The following CDH4 variants were observed in gnomAD, a reference collection of about 807,000 sequenced individuals.
CDH4 encodes cadherin-4.
CDH4 carries 33 observed loss-of-function variants against 86.0 expected under a neutral mutation model. The observed-to-expected ratio is 0.38, with a 90% CI of 0.29 to 0.51. The LOEUF (loss-of-function observed/expected upper bound fraction) is 0.51. Ranked by LOEUF, CDH4 falls within the 20% of genes least tolerant of loss-of-function variation. The probability of loss-of-function intolerance (pLI) is 0.86; values close to 1 mark genes in which losing one functional copy is unlikely to be tolerated. For missense variants in CDH4, 1,114 were observed against 1,307.4 expected, an observed-to-expected ratio of 0.85 and a Z score of 2.28; for synonymous variants, 555 against 549.4, an observed-to-expected ratio of 1.01 and a Z score of -0.14.
intron 2 of CDH4, among the ~76,000 whole-genome samples, chr20:61,272,032 C>T (rs4812290): frequency 0.16 from 24,169 of 152,110 alleles, 1,974 homozygotes; most frequent in African/African-American, 0.17. Flanking sequence ...TTGGTGGCTT[C>T]CTTCTTTCAC....
At position 61,518,099 on chromosome 20, in the gene CDH4, G is replaced by A. The variant is rs1488685578; in HGVS notation, c.170-225464G>A. On this transcript the variant is annotated intron_variant, in intron 2 of 15. Transcript: ENST00000614565. The surrounding 1 kb of genome is among the most constrained non-coding windows in gnomAD (Gnocchi z 6.3). Reference sequence around the variant, plus strand: ...AGGCCCTCAGTTTTCTAAAGAATTTGCAAGAAATCATGACGCTACTGCAAG... The same window carrying A: ...AGGCCCTCAGTTTTCTAAAGAATTTACAAGAAATCATGACGCTACTGCAAG... Among the ~76,000 whole-genome samples the A allele has an allele frequency of 1.3e-5, 2 of 152,134 alleles. No individual in the cohort carries two copies. The highest frequency in any genetic ancestry group is 2.1e-4 in the South Asian group (1 of 4,826).
chr20:61,777,008 G>C (rs2088850019), intron 4 of CDH4, among the ~76,000 whole-genome samples: 1 of 152,200 alleles, frequency 6.6e-6, no homozygotes, highest in Admixed American at 6.5e-5. Context: ...GTCCCAAGGA[G>C]TCCCTAGTCA....
chr20:61,898,446 G>A (rs972331917), intron 8 of CDH4, among the ~76,000 whole-genome samples: 2 of 152,236 alleles, frequency 1.3e-5, no homozygotes, highest in Non-Finnish European at 2.9e-5. Flanking sequence ...GAAGCTGGTG[G>A]CCACAGAGGA....
intron 2 of CDH4, among the ~76,000 whole-genome samples, chr20:61,306,783 C>G (rs940129542): frequency 6.6e-6 from 1 of 152,172 alleles, no homozygotes; most frequent in Admixed American, 6.5e-5. Context: ...TCTCCCTGGT[C>G]CTCACACCCT....
intron 2 of CDH4, among the ~76,000 whole-genome samples, chr20:61,325,990 C>T (rs1432104528): frequency 1.3e-5 from 2 of 152,212 alleles, no homozygotes; most frequent in Non-Finnish European, 2.9e-5. Context: ...GGTTCAAACC[C>T]ATCAGGAAGT....
chr20:61,414,643 G>A (rs1264642414), intron 2 of CDH4, among the ~76,000 whole-genome samples: 1 of 152,188 alleles, frequency 6.6e-6, no homozygotes, highest in African/African-American at 2.4e-5. Context: ...GTGGTGGAGG[G>A]GGGCATTGCT....
rs927032845 is a variant in CDH4 at position 61,510,300 on chromosome 20, A to G, written c.170-233263A>G. Among the ~76,000 whole-genome samples the G allele has an allele frequency of 6.6e-6, 1 of 152,154 alleles. No homozygotes were observed. The highest frequency in any genetic ancestry group is 2.4e-5 in the African/African-American group (1 of 41,442). On this transcript the variant is annotated intron_variant, in intron 2 of 15. Transcript: ENST00000614565. This position sits in a 1 kb window ranked among gnomAD's most constrained non-coding sequence, Gnocchi z 4.2. ...TGTTTTGGGGGGGCCAGGAACGTGCATTCAGGGGAGTTTCTATTTGCCCAG... is the reference window on the plus strand; with the variant it reads ...TGTTTTGGGGGGGCCAGGAACGTGCGTTCAGGGGAGTTTCTATTTGCCCAG...
intron 2 of CDH4, among the ~76,000 whole-genome samples, chr20:61,328,316 C>A (rs1437168533): frequency 6.6e-6 from 1 of 152,010 alleles, no homozygotes; most frequent in Non-Finnish European, 1.5e-5. Flanking sequence ...GCTAGGACTG[C>A]AGGTGCATGC....
intron 4 of CDH4, among the ~76,000 whole-genome samples, chr20:61,817,759 GGGA>G (rs1363590093): frequency 6.6e-6 from 1 of 152,234 alleles, no homozygotes; most frequent in Non-Finnish European, 1.5e-5. Flanking sequence ...CCCACCAGCA[GGGA>G]GGAGGCCAGG....
chr20:61,899,016 G>A (rs984776697), intron 8 of CDH4, among the ~76,000 whole-genome samples: 9 of 152,152 alleles, frequency 5.9e-5, no homozygotes, highest in Non-Finnish European at 1.3e-4. Context: ...AAGAGGGAGG[G>A]CCGGGCGCAG....
chr20:61,881,821 C>T (rs1272522345), intron 7 of CDH4, among the ~76,000 whole-genome samples: 1 of 152,382 alleles, frequency 6.6e-6, no homozygotes, highest in South Asian at 2.1e-4. Flanking sequence ...GCTACATCCA[C>T]ACCCTGATCC....
At chr20:61,620,198 A>ATGGATGGATGGACGGATGGGTGGGTGGG (rs1568716806) in intron 2 of CDH4, among the ~76,000 whole-genome samples, 3 of 143,508 alleles carry the variant, frequency 2.1e-5, no homozygotes, top group Non-Finnish European at 4.6e-5. Flanking sequence ...GGATGGATGG[A>ATGGATGGATGGACGGATGGGTGGGTGGG]TGGATGGACA....
intron 4 of CDH4, among the ~76,000 whole-genome samples, chr20:61,843,913 A>T (rs1423548276): frequency 6.6e-6 from 1 of 152,158 alleles, no homozygotes; most frequent in Non-Finnish European, 1.5e-5. Context: ...TCCCTGAGGG[A>T]ACCCCCAGGC....
chr20:61,719,736 C>T (rs1174317742), intron 2 of CDH4: 1 of 152,966 alleles, frequency 6.5e-6, no homozygotes, highest in Admixed American at 6.5e-5. Context: ...GTGTTAATAT[C>T]ATACGACAAG....
chr20:61,759,987 C>G (rs2088613202), intron 3 of CDH4, among the ~76,000 whole-genome samples: 1 of 152,234 alleles, frequency 6.6e-6, no homozygotes, highest in Admixed American at 6.5e-5. Flanking sequence ...AGCTCGGTAG[C>G]TTGTCCGGAT....
chr20:61,806,183 G>C (rs922253286), intron 4 of CDH4, among the ~76,000 whole-genome samples: 1 of 152,236 alleles, frequency 6.6e-6, no homozygotes, highest in African/African-American at 2.4e-5. Context: ...TGACCTCTTA[G>C]TAGCCAAAAG....
At chr20:61,677,059 C>A (rs1210153355) in intron 2 of CDH4, among the ~76,000 whole-genome samples, 1 of 152,148 alleles carries the variant, frequency 6.6e-6, no homozygotes, top group Non-Finnish European at 1.5e-5. Flanking sequence ...CTTCGTAGGG[C>A]CTTGTCACCT....
At chr20:61,609,281 A>G (rs993827449) in intron 2 of CDH4, among the ~76,000 whole-genome samples, 6 of 152,170 alleles carry the variant, frequency 3.9e-5, no homozygotes, top group African/African-American at 9.7e-5. Context: ...ATGACCACAG[A>G]GAAGACTTCA....
chr20:61,864,058 G>A (rs1276129462), intron 6 of CDH4, among the ~76,000 whole-genome samples: 2 of 152,250 alleles, frequency 1.3e-5, no homozygotes, highest in Non-Finnish European at 2.9e-5. Flanking sequence ...GGCCAGTAGG[G>A]TGGGCCCTGA....
Sources: allele counts gnomAD v4.1 joint callset (sites outside exome capture counted in the v4.1 genomes callset), GRCh38; gene constraint gnomAD v4.1.1; non-coding constraint Gnocchi (gnomAD v3.1); transcripts MANE v1.5; gene names NCBI Gene and HGNC (gene_info 2026-07-23, HGNC 2026-07-21).